The following BPIFB2 variants were observed in gnomAD, a reference collection of about 807,000 sequenced individuals.
The protein encoded by BPIFB2 is BPI fold-containing family B member 2.
In BPIFB2, 39 loss-of-function variants were observed where a neutral mutation model predicts 50.1. The observed-to-expected ratio is 0.78, with a 90% CI of 0.60 to 1.02. BPIFB2 has a LOEUF of 1.02. Among genes scored for constraint, BPIFB2 ranks in the 50% least tolerant of loss-of-function variants. The probability of loss-of-function intolerance (pLI) is 0.00; values close to 1 mark genes in which losing one functional copy is unlikely to be tolerated. For synonymous variants in BPIFB2, 280 were observed against 256.3 expected, an observed-to-expected ratio of 1.09 and a Z score of -0.88; for missense variants, 574 against 585.8, an observed-to-expected ratio of 0.98 and a Z score of 0.21.
Position 33,017,781 on chromosome 20 carries a change from C to T in BPIFB2, c.578-478C>T, listed in dbSNP as rs145678494. 3.9e-3 allele frequency among the ~76,000 whole-genome samples: 589 copies of T among 152,258 alleles called. 3 individuals carry two copies. The highest frequency in any genetic ancestry group is 0.013 in the African/African-American group (556 of 41,534). Reference sequence around the variant, plus strand: ...TCACCAGACTGCGTGTGCGTGTGTGCGTACGTGTGAGTGTGCATGTGTGCA... The same window carrying T: ...TCACCAGACTGCGTGTGCGTGTGTGTGTACGTGTGAGTGTGCATGTGTGCA... On this transcript the variant is annotated intron_variant, in intron 7 of 15. Transcript: ENST00000170150.
In BPIFB2 at chr20:33,009,704, C is replaced by T. The variant is rs933208693; in HGVS notation, c.109+1021C>T. Among the ~76,000 whole-genome samples the T allele has an allele frequency of 1.3e-5, 2 of 152,226 alleles. No homozygotes were observed. The highest frequency in any genetic ancestry group is 2.9e-5 in the Non-Finnish European group (2 of 68,044). On this transcript the variant is annotated intron_variant, in intron 2 of 15. Coordinates refer to ENST00000170150, the MANE Select transcript of BPIFB2 (RefSeq NM_025227.3). The surrounding 1 kb of genome is among the most constrained non-coding windows in gnomAD (Gnocchi z 4.2). ...TGCCTGCAGGTAGGGCCATGAGGCC[C>T]GCGCCCTCCGCCGCCTTCCTGCCCT... is the stretch of plus-strand genomic sequence containing the variant.
chr20:33,010,720 G>A (rs1448188700), intron 2 of BPIFB2, among the ~76,000 whole-genome samples: 3 of 152,072 alleles, frequency 2.0e-5, no homozygotes, highest in Non-Finnish European at 4.4e-5. Flanking sequence ...GATGGGATCT[G>A]GTTGGAACCT....
At chr20:33,020,519 G>A in intron 12 of BPIFB2, 23 bp from the exon 13 acceptor site, 1 of 1,602,958 alleles carries the variant, frequency 6.2e-7, no homozygotes, top group Non-Finnish European at 8.5e-7. Context: ...ACCCTGTCCT[G>A]AATTCTCCTG....
intron 1 of BPIFB2, 30 bp from the exon 2 acceptor site, chr20:33,008,511 T>G: frequency 7.1e-7 from 1 of 1,413,134 alleles, no homozygotes; most frequent in Admixed American, 2.2e-5. Flanking sequence ...CTGTTTTGGC[T>G]GAGCTCCCTG....
intron 5 of BPIFB2, among the ~76,000 whole-genome samples, chr20:33,014,595 G>A (rs1001227878): frequency 1.3e-5 from 2 of 152,156 alleles, no homozygotes; most frequent in African/African-American, 4.8e-5. Flanking sequence ...CAGGCAGCCC[G>A]ACTAATCCCA....
At chr20:33,018,212 C>T in intron 7 of BPIFB2, 47 bp from the exon 8 acceptor site, 1 of 1,357,452 alleles carries the variant, frequency 7.4e-7, no homozygotes, top group Non-Finnish European at 1.0e-6. Context: ...CGTTGGTGAG[C>T]AGTGCTAAAT....
rs368535349 is a variant in BPIFB2 at position 33,021,803 on chromosome 20, A to T, written c.1335+4A>T. 2.5e-6 allele frequency: 4 copies of T among 1,613,150 alleles called. No homozygotes were observed. In the African/African-American group the frequency reaches 5.3e-5, roughly 22 times the overall value. On this transcript the variant is annotated splice_donor_region_variant and intron_variant, in intron 15 of 15. Transcript: ENST00000170150. ...CCCTGAGATCTTTGTCTATGAGGTG[A>T]GAGCCTTTGGGTGTGACCAGAGGGG...
rs2146348076 is a variant in BPIFB2 at position 33,009,030 on chromosome 20, A to G, written c.109+347A>G. Among the ~76,000 whole-genome samples, 1 of 152,222 alleles carries G rather than the reference A, an allele frequency of 6.6e-6. No homozygotes were observed. The highest frequency in any genetic ancestry group is 3.4e-3 in the Middle Eastern group (1 of 294). On this transcript the variant is annotated intron_variant, in intron 2 of 15. Coordinates refer to ENST00000170150, the MANE Select transcript of BPIFB2 (RefSeq NM_025227.3). This position sits in a 1 kb window ranked among gnomAD's most constrained non-coding sequence, Gnocchi z 4.2. ...TTCATAGAGCTGTGCCCACGTGTGTACTTAAGTGTCGGGGAGGGTGCAAGC... is the reference window on the plus strand; with the variant it reads ...TTCATAGAGCTGTGCCCACGTGTGTGCTTAAGTGTCGGGGAGGGTGCAAGC...
chr20:33,015,567 G>A (rs1669770695), intron 6 of BPIFB2, 71 bp downstream of exon 6: 2 of 1,372,112 alleles, frequency 1.5e-6, no homozygotes, highest in Non-Finnish European at 2.0e-6. Context: ...AGAAAGAGTG[G>A]GATTTCAGGC....
intron 5 of BPIFB2, 21 bp from the exon 6 acceptor site, chr20:33,015,415 C>T (rs750433505): frequency 1.2e-6 from 2 of 1,607,926 alleles, no homozygotes; most frequent in Non-Finnish European, 1.7e-6. Context: ...CCCAGGAACT[C>T]TTTCTGTGTT....
chr20:33,016,202 C>T (rs917469138), intron 6 of BPIFB2, among the ~76,000 whole-genome samples: 1 of 152,022 alleles, frequency 6.6e-6, no homozygotes, highest in African/African-American at 2.4e-5. Flanking sequence ...TGCATGCCAC[C>T]CCACACCCCC....
chr20:33,019,100 C>A lies in BPIFB2; in HGVS notation c.894C>A (p.Gly298=). Residue 298 remains glycine, a synonymous_variant, in exon 10 of 16, where the codon GGC becomes GGA. Coordinates refer to ENST00000170150, the MANE Select transcript of BPIFB2 (RefSeq NM_025227.3). ...ACCTGCTGAACACCTCTGCTCTGGGCCGGCTCATCCCGGAGGTCGGTGATG... is the reference window on the plus strand; with the variant it reads ...ACCTGCTGAACACCTCTGCTCTGGGACGGCTCATCCCGGAGGTCGGTGATG... ...DDNLLNTSAL[G]RLIPEVARQF... 6.2e-7 allele frequency: 1 copy of A among 1,614,154 alleles called. No individual in the cohort carries two copies. The highest frequency in any genetic ancestry group is 1.3e-5 in the African/African-American group (1 of 75,048).
intron 13 of BPIFB2, among the ~76,000 whole-genome samples, chr20:33,020,799 C>T (rs1978635541): frequency 6.6e-6 from 1 of 152,218 alleles, no homozygotes; most frequent in Non-Finnish European, 1.5e-5. Context: ...CAGCCCTCAC[C>T]CCAAAAGTCC....
At position 33,012,812 on chromosome 20, in the gene BPIFB2, T is replaced by A; in HGVS notation, c.213T>A (p.Ile71=). The A allele has an allele frequency of 6.2e-7, 1 of 1,613,238 alleles. No individual in the cohort carries two copies. The highest frequency in any genetic ancestry group is 8.5e-7 in the Non-Finnish European group (1 of 1,179,248). The change falls in exon 4 of 16, where the codon ATT becomes ATA. Residue 71 remains isoleucine, a synonymous_variant. Transcript: ENST00000170150. ...GEALQPTRIR[I]LNVHVPRLHL... ...GATTACTACCCTGCAGGATCCGGATTCTGAATGTCCATGTGCCCCGCCTCC... is the reference window on the plus strand; with the variant it reads ...GATTACTACCCTGCAGGATCCGGATACTGAATGTCCATGTGCCCCGCCTCC...
intron 3 of BPIFB2, among the ~76,000 whole-genome samples, chr20:33,011,896 T>C (rs539726255): frequency 2.6e-5 from 4 of 152,302 alleles, no homozygotes; most frequent in Admixed American, 1.3e-4. Flanking sequence ...GGAGAATCTC[T>C]TGAACCTGGG....
Position 33,017,150 on chromosome 20 carries a change from T to G in BPIFB2, c.577+48T>G, listed in dbSNP as rs1468815478. 7 of 1,577,316 alleles carry G rather than the reference T, an allele frequency of 4.4e-6. No homozygotes were observed. The South Asian group carries it at 7.8e-5, about 18-fold the overall frequency. ...GGGGGCTGGGGCCTCTGGGACCCCC[T>G]GGAGCCCCTAGAACCCTCCAAAGGC... On this transcript the variant is annotated intron_variant, in intron 7 of 15. Transcript: ENST00000170150.
chr20:33,021,085 G>C (rs775314786), intron 13 of BPIFB2, among the ~76,000 whole-genome samples, 196 bp from the exon 14 acceptor site: 1 of 152,220 alleles, frequency 6.6e-6, no homozygotes, highest in Non-Finnish European at 1.5e-5. Context: ...TGCGAAGGCT[G>C]AGCCAACCAT....
rs1978581744 is a variant in BPIFB2, at chr20:33,019,634, G to A, written c.964G>A (p.Ala322Thr). The A allele has an allele frequency of 6.2e-7, 1 of 1,611,364 alleles. No homozygotes were observed. Among genetic ancestry groups the A allele is most frequent in the Admixed American group, 1.7e-5 (1 of 59,884 alleles). The change falls in exon 11 of 16, where the codon GCC (alanine) becomes ACC (threonine). Residue 322 changes from alanine (A) to threonine (T), a missense_variant. Physicochemically the swap from Ala to Thr is moderately conservative, Grantham distance 58. Transcript: ENST00000170150. ...TGTGGTGCTCAAGGTGCGGCTGGGT[G>A]CCACACCTGTGGCCATGCTCCACAC... is the stretch of plus-strand genomic sequence containing the variant. ...MPVVLKVRLGATPVAMLHTNN... is the reference protein window; with the variant it reads ...MPVVLKVRLGTTPVAMLHTNN...
rs1303944687 is a variant in BPIFB2 at position 33,017,077 on chromosome 20, C to T, written c.552C>T (p.Val184=). Residue 184 remains valine (V), a synonymous_variant, in exon 7 of 16, where the codon GTC becomes GTT. Coordinates refer to ENST00000170150, the MANE Select transcript of BPIFB2 (RefSeq NM_025227.3). ...CLSISNLVQG[V]NVHLGTLIGL... ...GCATCTCCAACCTGGTGCAGGGTGT[C>T]AATGTCCACCTGGGCACCTTAATTG... 6.2e-7 allele frequency: 1 copy of T among 1,614,120 alleles called. No individual in the cohort carries two copies. Among genetic ancestry groups the T allele is most frequent in the South Asian group, 1.1e-5 (1 of 91,068 alleles).
Sources: gnomAD v4.1 joint callset for allele counts (sites outside exome capture counted in the v4.1 genomes callset) on GRCh38, gnomAD v4.1.1 for gene constraint, Gnocchi (gnomAD v3.1) non-coding constraint, MANE v1.5 for transcripts, NCBI Gene and HGNC (gene_info 2026-07-23, HGNC 2026-07-21) for gene names.